The following PI4KA variants were observed in gnomAD, a reference collection of about 807,000 sequenced individuals.
PI4KA encodes the protein phosphatidylinositol 4-kinase alpha, also known as PI4-kinase alpha.
A neutral mutation model predicts 271.4 loss-of-function variants in PI4KA; 122 were observed. The ratio of observed to expected loss-of-function variants is 0.45; its 90% CI spans 0.39 to 0.52. The LOEUF is 0.52. PI4KA is among the 20% of genes least tolerant of loss of function. The pLI is 0.00. For missense variants in PI4KA, 1,969 were observed against 2,769.1 expected (o/e 0.71, Z 6.48); for synonymous variants, 1,041 against 1,078.8 (o/e 0.96, Z 0.69).
intron 13 of PI4KA, among the ~76,000 whole-genome samples, chr22:20,802,410 C>T (rs998039384): frequency 3.3e-5 from 5 of 152,234 alleles, no homozygotes; most frequent in Non-Finnish European, 7.3e-5. Context: ...GCGACTGAGG[C>T]ATGGCCCTGT....
chr22:20,835,308 T>C (rs185792830), intron 2 of PI4KA, among the ~76,000 whole-genome samples: 113 of 152,318 alleles, frequency 7.4e-4, no homozygotes, highest in Admixed American at 1.6e-3. Context: ...TTGGAGCTAT[T>C]TCCCTATTTA....
At chr22:20,729,224 A>G in intron 39 of PI4KA, 89 bp downstream of exon 39, 1 of 1,076,110 alleles carries the variant, frequency 9.3e-7, no homozygotes, top group South Asian at 1.5e-5. Context: ...GCTGCAGGGC[A>G]CTCCTGAGAA....
chr22:20,742,546 T>C, intron 31 of PI4KA, 62 bp downstream of exon 31: 1 of 1,587,900 alleles, frequency 6.3e-7, no homozygotes, highest in South Asian at 1.1e-5. Context: ...TGGCTATGGG[T>C]CATCAAGGCC....
intron 42 of PI4KA, chr22:20,726,196 G>C (rs1927325778): frequency 6.0e-6 from 2 of 333,974 alleles, no homozygotes; most frequent in Non-Finnish European, 1.1e-5. Context: ...GATTTGAGGG[G>C]ACCCCACCGA....
At chr22:20,796,095 C>T in intron 18 of PI4KA, 51 bp downstream of exon 18, 2 of 1,550,116 alleles carry the variant, frequency 1.3e-6, no homozygotes, top group East Asian at 2.3e-5. Context: ...TAAGCCTTGG[C>T]CAGCAGGGAT....
intron 2 of PI4KA, 69 bp from the exon 3 acceptor site, chr22:20,834,724 G>T: frequency 1.0e-6 from 1 of 970,004 alleles, no homozygotes; most frequent in Non-Finnish European, 1.6e-6. Flanking sequence ...TTTTAGCCCA[G>T]ATTAAGCCCA....
At chr22:20,723,573 G>A (rs571989999) in intron 42 of PI4KA, among the ~76,000 whole-genome samples, 47 of 151,456 alleles carry the variant, frequency 3.1e-4, no homozygotes, top group South Asian at 2.9e-3. Context: ...GCTCACGCCC[G>A]TAATCCCAGC....
At chr22:20,737,634 C>CTT (rs760945752) in intron 32 of PI4KA, among the ~76,000 whole-genome samples, 52,219 of 141,024 alleles carry the variant, frequency 0.37, 10,003 homozygotes, top group African/African-American at 0.46. Flanking sequence ...TACTCTTTTT[C>CTT]TTTTTTTTTT....
chr22:20,853,095 ATAGT>A (rs1392741951), intron 1 of PI4KA, among the ~76,000 whole-genome samples: 1 of 152,232 alleles, frequency 6.6e-6, no homozygotes, highest in African/African-American at 2.4e-5. Flanking sequence ...AACCAGATCA[ATAGT>A]TAGCTACGAC....
chr22:20,743,625 T>C (rs1176656148), intron 30 of PI4KA, among the ~76,000 whole-genome samples: 2 of 152,128 alleles, frequency 1.3e-5, no homozygotes, highest in Non-Finnish European at 2.9e-5. Context: ...TTGGCCAACC[T>C]ATCTATTTTT....
At chr22:20,850,672 C>T (rs1182358473) in intron 1 of PI4KA, among the ~76,000 whole-genome samples, 1 of 151,678 alleles carries the variant, frequency 6.6e-6, no homozygotes, top group Non-Finnish European at 1.5e-5. Flanking sequence ...TTCCTGACCT[C>T]GTGATCCGCC....
At chr22:20,838,061 C>T (rs1925089396) in intron 2 of PI4KA, among the ~76,000 whole-genome samples, 1 of 149,892 alleles carries the variant, frequency 6.7e-6, no homozygotes, top group Admixed American at 6.7e-5. Flanking sequence ...GCAGAGGTTG[C>T]AGTGAGCCGA....
At chr22:20,809,407 A>C (rs1935866074) in intron 9 of PI4KA, among the ~76,000 whole-genome samples, 1 of 150,240 alleles carries the variant, frequency 6.7e-6, no homozygotes, top group African/African-American at 2.5e-5. Flanking sequence ...TATATTGCAG[A>C]CTCTAGGTCA....
At chr22:20,829,451 T>C (rs1305172573) in intron 3 of PI4KA, among the ~76,000 whole-genome samples, 3 of 152,188 alleles carry the variant, frequency 2.0e-5, no homozygotes, top group East Asian at 3.8e-4. Context: ...ATAGAGGTGT[T>C]TGTCTCTCTG....
chr22:20,858,696 T>TCCGCCC lies in PI4KA; in HGVS notation c.29_30insGGGCGG (p.Gly17_Gly18dup). ...AGCCGCCGCCGCCTCCGCCTCCGCCTCCGCCTCCCCGGGCCGGGGCCGCCG... is the reference window on the plus strand; with the variant it reads ...AGCCGCCGCCGCCTCCGCCTCCGCCTCCGCCCCCGCCTCCCCGGGCCGGGGCCGCCG... On this transcript the variant is annotated inframe_insertion, in exon 1 of 55. Transcript: ENST00000255882. 5 of 1,467,430 alleles carry TCCGCCC rather than the reference T, an allele frequency of 3.4e-6. No homozygotes were observed. The highest frequency in any genetic ancestry group is 2.4e-5 in the Admixed American group (1 of 42,302). The allele number at this position is 1,467,430 out of a possible 1,614,324, so 90.9% of individuals were successfully genotyped here.
intron 26 of PI4KA, 40 bp downstream of exon 26, chr22:20,751,634 C>G: frequency 6.6e-7 from 1 of 1,511,234 alleles, no homozygotes; most frequent in Non-Finnish European, 9.2e-7. Flanking sequence ...GGTGGTAGAG[C>G]GGGTGGTGTT....
intron 3 of PI4KA, among the ~76,000 whole-genome samples, chr22:20,829,361 A>G (rs1021463271): frequency 5.9e-5 from 9 of 151,944 alleles, no homozygotes; most frequent in African/African-American, 9.7e-5. Flanking sequence ...CAGGGATTCA[A>G]TTTCTTCTGG....
chr22:20,754,677 T>C (rs1293100785), intron 23 of PI4KA, among the ~76,000 whole-genome samples: 1 of 152,136 alleles, frequency 6.6e-6, no homozygotes, highest in African/African-American at 2.4e-5. Context: ...TGGCCAGGCA[T>C]GGTGGCTCAC....
chr22:20,803,468 TA>T, intron 12 of PI4KA, 148 bp from the exon 13 acceptor site: 1 of 785,100 alleles, frequency 1.3e-6, no homozygotes, highest in Admixed American at 2.4e-5. Context: ...GCCCAGGACA[TA>T]AAAAGATGGA....
Sources: allele counts gnomAD v4.1 joint callset (sites outside exome capture counted in the v4.1 genomes callset), GRCh38; gene constraint gnomAD v4.1.1; transcripts MANE v1.5; gene names NCBI Gene and HGNC (gene_info 2026-07-23, HGNC 2026-07-21).